The following GRID1 variants were observed in gnomAD, a reference collection of about 807,000 sequenced individuals.
The protein encoded by GRID1 is glutamate receptor ionotropic, delta-1.
In GRID1, 28 loss-of-function variants were observed where a neutral mutation model predicts 98.0. The ratio of observed to expected loss-of-function variants is 0.29; its 90% CI spans 0.21 to 0.39. The LOEUF is 0.39. Ranked by LOEUF, GRID1 falls within the 10% of genes least tolerant of loss-of-function variation. The pLI is 1.00. For synonymous variants in GRID1, 553 were observed against 538.5 expected (o/e 1.03, Z -0.37); for missense variants, 1,111 against 1,340.5 (o/e 0.83, Z 2.67).
intron 8 of GRID1, among the ~76,000 whole-genome samples, chr10:85,752,059 G>C (rs1057384344): frequency 3.9e-5 from 6 of 152,182 alleles, no homozygotes; most frequent in Admixed American, 1.3e-4. Context: ...ATTATTTAAT[G>C]AAGCTTGGAA....
At chr10:85,878,306 G>C (rs566759734) in intron 5 of GRID1, among the ~76,000 whole-genome samples, 152 of 152,060 alleles carry the variant, frequency 1.0e-3, no homozygotes, top group Non-Finnish European at 4.9e-4. Context: ...GCAACTCCAA[G>C]ACACATAATT....
chr10:86,334,181 C>G (rs1466554495), intron 2 of GRID1, among the ~76,000 whole-genome samples: 2 of 152,124 alleles, frequency 1.3e-5, no homozygotes, highest in East Asian at 3.9e-4. Context: ...GGGACTATGC[C>G]TGCCTTAAAC....
chr10:86,087,510 C>CTGTGTGTG (rs60644459), intron 4 of GRID1, among the ~76,000 whole-genome samples: 1,888 of 140,938 alleles, frequency 0.013, 13 homozygotes, highest in Non-Finnish European at 0.018. Flanking sequence ...GTGTGTGTGT[C>CTGTGTGTG]TGTGTGTGTG....
chr10:86,284,231 A>G (rs2814360), intron 2 of GRID1, among the ~76,000 whole-genome samples: 120,442 of 152,010 alleles, frequency 0.79, 49,608 homozygotes, highest in Non-Finnish European at 0.91. Flanking sequence ...CCTGTCTTCA[A>G]TCTGCCTTCA....
At chr10:85,724,053 T>C (rs1841733510) in intron 11 of GRID1, among the ~76,000 whole-genome samples, 1 of 152,182 alleles carries the variant, frequency 6.6e-6, no homozygotes. Flanking sequence ...GACAACCTCA[T>C]GTGCATAGCA....
chr10:85,677,389 G>T (rs1841156754), intron 12 of GRID1, among the ~76,000 whole-genome samples: 1 of 152,186 alleles, frequency 6.6e-6, no homozygotes, highest in Non-Finnish European at 1.5e-5. Context: ...GGGGAGTAGG[G>T]ATCAGAGCTC....
At chr10:86,302,065 T>G (rs1847696275) in intron 2 of GRID1, among the ~76,000 whole-genome samples, 1 of 152,222 alleles carries the variant, frequency 6.6e-6, no homozygotes, top group African/African-American at 2.4e-5. Flanking sequence ...CCTACTTCTG[T>G]GCTAAAAGCC....
In GRID1 at chr10:86,366,467, T is replaced by C. The variant is rs1469053517; in HGVS notation, c.-75A>G. 11 of 1,100,724 alleles carry C rather than the reference T, an allele frequency of 1.0e-5. No individual in the cohort carries two copies. The highest frequency in any genetic ancestry group is 2.8e-5 in the Admixed American group (1 of 36,014). 68.2% of individuals were successfully genotyped at this position (1,100,724 alleles called of 1,614,324 possible). On this transcript the variant is annotated 5_prime_UTR_variant, in exon 1 of 16. Coordinates refer to ENST00000327946, the MANE Select transcript of GRID1 (RefSeq NM_017551.3). This position sits in a 1 kb window ranked among gnomAD's most constrained non-coding sequence, Gnocchi z 4.1. ...GCAGCGCGAAGCGGGGAGGCGCTGG[T>C]CCCGGTGCAGTCCCGGGCCGCTCCC...
chr10:85,640,882 C>A (rs931384974), intron 13 of GRID1, among the ~76,000 whole-genome samples: 1 of 152,342 alleles, frequency 6.6e-6, no homozygotes, highest in Non-Finnish European at 1.5e-5. Context: ...TGCATTCACA[C>A]TTTATGACTT....
At chr10:85,603,670 T>C (rs1842615107) in intron 15 of GRID1, among the ~76,000 whole-genome samples, 1 of 152,178 alleles carries the variant, frequency 6.6e-6, no homozygotes, top group South Asian at 2.1e-4. Context: ...GCACAGGACC[T>C]GGTGCTCAGC....
At chr10:86,158,895 T>C (rs564217809) in intron 3 of GRID1, among the ~76,000 whole-genome samples, 5 of 152,268 alleles carry the variant, frequency 3.3e-5, no homozygotes, top group Admixed American at 3.3e-4. Flanking sequence ...AAATATTTCA[T>C]TAATTATCTT....
At chr10:86,289,823 C>A (rs1414479640) in intron 2 of GRID1, among the ~76,000 whole-genome samples, 2 of 152,192 alleles carry the variant, frequency 1.3e-5, no homozygotes, top group Non-Finnish European at 2.9e-5. Context: ...ATACTATATC[C>A]TTAAAGCCTT....
intron 3 of GRID1, among the ~76,000 whole-genome samples, chr10:86,194,852 T>C (rs1057481609): frequency 6.6e-6 from 1 of 151,984 alleles, no homozygotes; most frequent in Non-Finnish European, 1.5e-5. Flanking sequence ...TACGGCTCTA[T>C]GGTGAGCACT....
At chr10:86,349,092 G>A (rs1848429014) in intron 2 of GRID1, among the ~76,000 whole-genome samples, 1 of 152,310 alleles carries the variant, frequency 6.6e-6, no homozygotes, top group Admixed American at 6.5e-5. Context: ...GTGGGAGCTG[G>A]TGGGCAATAC....
At chr10:86,339,274 GGGA>G (rs376965682) in intron 2 of GRID1, among the ~76,000 whole-genome samples, 5 of 152,192 alleles carry the variant, frequency 3.3e-5, no homozygotes, top group Admixed American at 6.5e-5. Flanking sequence ...GGGAAGGCAG[GGGA>G]GGAGGAGGAG....
intron 2 of GRID1, among the ~76,000 whole-genome samples, chr10:86,262,007 A>G (rs1389960132): frequency 1.3e-5 from 2 of 152,250 alleles, no homozygotes; most frequent in African/African-American, 2.4e-5. Flanking sequence ...TTATTCTGGC[A>G]TCGGCAGGTG....
intron 13 of GRID1, among the ~76,000 whole-genome samples, chr10:85,643,394 A>C (rs1262059636): frequency 6.6e-6 from 1 of 152,098 alleles, no homozygotes; most frequent in Non-Finnish European, 1.5e-5. Flanking sequence ...TTCTGGATTC[A>C]AGTCGTCATC....
chr10:86,024,659 C>G (rs1244082027), intron 4 of GRID1, among the ~76,000 whole-genome samples: 3 of 152,232 alleles, frequency 2.0e-5, no homozygotes, highest in Non-Finnish European at 4.4e-5. Context: ...CCCCACCTCT[C>G]TGGCTGGCTG....
At chr10:86,002,616 C>T (rs1436620996) in intron 4 of GRID1, among the ~76,000 whole-genome samples, 2 of 152,164 alleles carry the variant, frequency 1.3e-5, no homozygotes, top group African/African-American at 2.4e-5. Flanking sequence ...ACTTACAACC[C>T]CCCAGACTCA....
Sources: gnomAD v4.1 joint callset for allele counts (sites outside exome capture counted in the v4.1 genomes callset) on GRCh38, gnomAD v4.1.1 for gene constraint, Gnocchi (gnomAD v3.1) non-coding constraint, MANE v1.5 for transcripts, NCBI Gene and HGNC (gene_info 2026-07-23, HGNC 2026-07-21) for gene names.